SHISA9: variants seen among roughly 807,000 people sequenced by gnomAD.
The protein encoded by SHISA9 is shisa family member 9.
A neutral mutation model predicts 38.0 loss-of-function variants in SHISA9; 13 were observed. That is an observed-to-expected ratio of 0.34 (90% CI 0.22 to 0.54). SHISA9 has a LOEUF of 0.54. SHISA9 is among the 20% of genes least tolerant of loss of function. The pLI is 0.91. For synonymous variants in SHISA9, 275 were observed against 242.0 expected (o/e 1.14, Z -1.27); for missense variants, 538 against 575.8 (o/e 0.93, Z 0.67).
intron 2 of SHISA9, among the ~76,000 whole-genome samples, chr16:13,140,280 A>T (rs2050390863): frequency 6.6e-6 from 1 of 151,138 alleles, no homozygotes; most frequent in Non-Finnish European, 1.5e-5. Flanking sequence ...GGATTCAAGG[A>T]ATTCTCCTGT....
At chr16:13,213,063 T>C (rs890239642) in intron 3 of SHISA9, among the ~76,000 whole-genome samples, 190 bp from the exon 4 acceptor site, 1 of 152,212 alleles carries the variant, frequency 6.6e-6, no homozygotes, top group African/African-American at 2.4e-5. Flanking sequence ...TTCAAGGCCT[T>C]GCAGAAAGAG....
chr16:13,512,733 A>G, the SHISA9 span, among the ~76,000 whole-genome samples: 1 of 152,332 alleles, frequency 6.6e-6, no homozygotes, highest in Non-Finnish European at 1.5e-5. Context: ...ATCTTCGACA[A>G]ACCTGACAAA....
intron 2 of SHISA9, among the ~76,000 whole-genome samples, chr16:13,112,545 T>C (rs2073989420): frequency 6.6e-6 from 1 of 152,154 alleles, no homozygotes; most frequent in Admixed American, 6.5e-5. Context: ...CTGAATCAAC[T>C]GGAATCCCTG....
At chr16:13,327,649 G>C in the SHISA9 span, among the ~76,000 whole-genome samples, 1 of 152,008 alleles carries the variant, frequency 6.6e-6, no homozygotes, top group African/African-American at 2.4e-5. Context: ...GCCTTTCTTT[G>C]AGCCTCAAGA....
intron 2 of SHISA9, among the ~76,000 whole-genome samples, chr16:12,945,101 C>G (rs1299675173): frequency 3.3e-5 from 5 of 152,162 alleles, no homozygotes; most frequent in African/African-American, 7.2e-5. Flanking sequence ...CATTGACACT[C>G]TAGTACTTCT....
intron 2 of SHISA9, among the ~76,000 whole-genome samples, chr16:12,917,198 C>T (rs562037699): frequency 6.6e-6 from 1 of 152,186 alleles, no homozygotes; most frequent in African/African-American, 2.4e-5. Flanking sequence ...AGCCAATGGT[C>T]TGCTAGCTTA....
At chr16:13,505,016 C>G in the SHISA9 span, among the ~76,000 whole-genome samples, 6 of 152,114 alleles carry the variant, frequency 3.9e-5, no homozygotes, top group African/African-American at 2.4e-5. Flanking sequence ...GACTACGTGC[C>G]AGGAATTAGA....
At chr16:13,019,081 C>A (rs1002499143) in intron 2 of SHISA9, among the ~76,000 whole-genome samples, 6 of 152,136 alleles carry the variant, frequency 3.9e-5, no homozygotes, top group Admixed American at 1.3e-4. Context: ...ATGATTGCAA[C>A]CTCCACCTCC....
chr16:13,432,619 C>G, the SHISA9 span, among the ~76,000 whole-genome samples: 1 of 151,954 alleles, frequency 6.6e-6, no homozygotes, highest in Non-Finnish European at 1.5e-5. Flanking sequence ...CATTTCAGTT[C>G]AAGTCCACAA....
intron 2 of SHISA9, among the ~76,000 whole-genome samples, chr16:12,948,853 A>G (rs1247659105): frequency 1.3e-5 from 2 of 152,190 alleles, no homozygotes; most frequent in Non-Finnish European, 2.9e-5. Flanking sequence ...GAAAAAACAC[A>G]TATTTGCACC....
chr16:13,526,538 C>T, the SHISA9 span, among the ~76,000 whole-genome samples: 1 of 152,080 alleles, frequency 6.6e-6, no homozygotes, highest in Admixed American at 6.6e-5. Flanking sequence ...TGTGCACCAC[C>T]ACACCTGGCT....
the SHISA9 span, among the ~76,000 whole-genome samples, chr16:13,499,920 C>T: frequency 7.2e-5 from 11 of 152,328 alleles, no homozygotes; most frequent in African/African-American, 2.4e-4. Context: ...GTACTGTGCT[C>T]ATCTTCACAC....
At chr16:13,174,064 C>T (rs2142024001) in intron 2 of SHISA9, among the ~76,000 whole-genome samples, 1 of 152,250 alleles carries the variant, frequency 6.6e-6, no homozygotes, top group Middle Eastern at 3.4e-3. Flanking sequence ...CATCCCCACC[C>T]TTCATTCTCA....
intron 4 of SHISA9, among the ~76,000 whole-genome samples, chr16:13,223,048 A>G (rs534178004): frequency 6.6e-6 from 1 of 152,168 alleles, no homozygotes; most frequent in South Asian, 2.1e-4. Flanking sequence ...TTTATAGGTG[A>G]AGCTTAGAGA....
intron 2 of SHISA9, among the ~76,000 whole-genome samples, chr16:12,975,567 G>T (rs1688448213): frequency 6.9e-6 from 1 of 145,084 alleles, no homozygotes; most frequent in Non-Finnish European, 1.5e-5. Flanking sequence ...TATGCAAGTT[G>T]TGTGTTTAAG....
chr16:13,402,024 C>A, the SHISA9 span, among the ~76,000 whole-genome samples: 1 of 152,152 alleles, frequency 6.6e-6, no homozygotes, highest in South Asian at 2.1e-4. Context: ...CGGGTTCCTC[C>A]CATGGCATGT....
chr16:13,007,349 C>T (rs536904140), intron 2 of SHISA9, among the ~76,000 whole-genome samples: 4 of 152,126 alleles, frequency 2.6e-5, no homozygotes, highest in Non-Finnish European at 5.9e-5. Flanking sequence ...TTTCCAACCT[C>T]CCACCCCCAA....
intron 2 of SHISA9, among the ~76,000 whole-genome samples, chr16:13,082,824 T>C (rs1257441228): frequency 6.6e-6 from 1 of 152,124 alleles, no homozygotes; most frequent in African/African-American, 2.4e-5. Context: ...TTAAATAAAA[T>C]AGGAATAAGG....
downstream of SHISA9, among the ~76,000 whole-genome samples, chr16:13,240,724 T>C (rs2051428808): frequency 6.6e-6 from 1 of 152,246 alleles, no homozygotes; most frequent in South Asian, 2.1e-4. Context: ...AGAATCTTGC[T>C]GCGATTTGAA....
Sources: gnomAD v4.1 joint callset for allele counts (sites outside exome capture counted in the v4.1 genomes callset) on GRCh38, gnomAD v4.1.1 for gene constraint, MANE v1.5 for transcripts, NCBI Gene and HGNC (gene_info 2026-07-23, HGNC 2026-07-21) for gene names.